Variants in INTS6 observed in about 807,000 individuals in gnomAD.
INTS6 encodes integrator complex subunit 6.
In INTS6, 16 loss-of-function variants were observed where a neutral mutation model predicts 104.9. That is an observed-to-expected ratio of 0.15 (90% CI 0.10 to 0.23). The LOEUF (loss-of-function observed/expected upper bound fraction) is 0.23. Ranked by LOEUF, INTS6 falls within the 10% of genes least tolerant of loss-of-function variation. INTS6 has a pLI of 1.00. For synonymous variants in INTS6, 324 were observed against 358.7 expected, an observed-to-expected ratio of 0.90 and a Z score of 1.09; for missense variants, 584 against 1,062.8, an observed-to-expected ratio of 0.55 and a Z score of 6.26.
intron 4 of INTS6, among the ~76,000 whole-genome samples, chr13:51,406,438 C>A (rs1323258102): frequency 6.7e-6 from 1 of 148,458 alleles, no homozygotes; most frequent in Non-Finnish European, 1.5e-5. Flanking sequence ...ATAACCACCT[C>A]CTCCCTGTTT....
intron 3 of INTS6, among the ~76,000 whole-genome samples, chr13:51,434,056 G>A (rs983194563): frequency 1.3e-5 from 2 of 152,180 alleles, no homozygotes; most frequent in African/African-American, 4.8e-5. Context: ...ATTGGCAGCT[G>A]CTAAATTCTC....
intron 2 of INTS6, 52 bp from the exon 3 acceptor site, chr13:51,451,226 A>G (rs372044722): frequency 8.4e-6 from 12 of 1,422,736 alleles, no homozygotes; most frequent in Non-Finnish European, 1.0e-5. Context: ...AGCCATGTAC[A>G]CAGAGCCGTT....
chr13:51,374,508 T>C (rs1955877891), intron 14 of INTS6, 69 bp from the exon 15 acceptor site: 68 of 1,538,156 alleles, frequency 4.4e-5, no homozygotes, highest in Non-Finnish European at 5.8e-5. Flanking sequence ...CCAGTGTCAA[T>C]TCCAATGAAG....
intron 4 of INTS6, among the ~76,000 whole-genome samples, chr13:51,401,480 A>G (rs1956438627): frequency 1.3e-5 from 2 of 152,150 alleles, no homozygotes; most frequent in African/African-American, 4.8e-5. Context: ...ATGGGATAAG[A>G]GTTTCATAAG....
rs1473157922 is a variant in INTS6 at position 51,368,985 on chromosome 13, A to G, written c.2430T>C (p.Thr810=). 1.7e-5 allele frequency: 28 copies of G among 1,607,042 alleles called. No individual in the cohort carries two copies. The highest frequency in any genetic ancestry group is 2.3e-5 in the Non-Finnish European group (27 of 1,177,274). ...MHCRSHEEVN[T]ELKAQIMKEI... ...CTTTCATTATTTGTGCTTTTAGTTC[A>G]GTATTGACCTCTTCATGGCTTCTGC... The change falls in exon 16 of 18, where the codon ACT becomes ACC. Residue 810 remains threonine, a synonymous_variant. Transcript: ENST00000311234.
chr13:51,348,230 G>A, the INTS6 span: 1 of 1,593,936 alleles, frequency 6.3e-7, no homozygotes, highest in Admixed American at 1.7e-5. Flanking sequence ...CCAGGACACT[G>A]CAGGCCATCA....
chr13:51,397,996 C>A (rs1287192277), intron 4 of INTS6, among the ~76,000 whole-genome samples: 1 of 151,942 alleles, frequency 6.6e-6, no homozygotes, highest in Non-Finnish European at 1.5e-5. Flanking sequence ...GCATTTTACA[C>A]ATAGCTATAT....
the INTS6 span, chr13:51,344,517 A>T: frequency 6.7e-7 from 1 of 1,502,418 alleles, no homozygotes; most frequent in Non-Finnish European, 9.1e-7. Flanking sequence ...CAACAAGGCT[A>T]AGGCAGAGGG....
At chr13:51,405,755 C>T (rs1956550602) in intron 4 of INTS6, among the ~76,000 whole-genome samples, 1 of 152,092 alleles carries the variant, frequency 6.6e-6, no homozygotes, top group African/African-American at 2.4e-5. Flanking sequence ...AGCAAGGTCC[C>T]CCAGAAAACT....
At chr13:51,342,493 C>A in the INTS6 span, among the ~76,000 whole-genome samples, 1 of 152,224 alleles carries the variant, frequency 6.6e-6, no homozygotes, top group Non-Finnish European at 1.5e-5. Context: ...CAACCTCCGG[C>A]ATTTTTTACC....
At chr13:51,411,836 T>C (rs1956693350) in intron 4 of INTS6, among the ~76,000 whole-genome samples, 1 of 152,100 alleles carries the variant, frequency 6.6e-6, no homozygotes, top group Admixed American at 6.5e-5. Context: ...CCAAAAGAAA[T>C]AAAACATAGG....
chr13:51,369,413 T>C, intron 15 of INTS6, 103 bp from the exon 16 acceptor site: 2 of 1,167,850 alleles, frequency 1.7e-6, no homozygotes, highest in Admixed American at 4.7e-5. Context: ...ACTGTTTTCC[T>C]TGACTAATGC....
intron 3 of INTS6, among the ~76,000 whole-genome samples, chr13:51,435,338 T>C (rs980642198): frequency 6.7e-6 from 1 of 148,546 alleles, no homozygotes; most frequent in African/African-American, 2.4e-5. Flanking sequence ...CAGGAGTCAA[T>C]CTGTCATTAA....
At chr13:51,448,762 C>T (rs1952976319) in intron 3 of INTS6, 1 of 152,034 alleles carries the variant, frequency 6.6e-6, no homozygotes, top group Non-Finnish European at 1.5e-5. Flanking sequence ...TTCTATCTTC[C>T]ACCTAATCTT....
intron 4 of INTS6, among the ~76,000 whole-genome samples, chr13:51,403,583 A>AAAAGAAAAAAG (rs1555287275): frequency 2.9e-4 from 31 of 106,442 alleles, no homozygotes; most frequent in African/African-American, 1.1e-3. Context: ...CTCCATTTCA[A>AAAAGAAAAAAG]AAAAAAAAAA....
chr13:51,445,645 A>G (rs905577549), intron 3 of INTS6: 3 of 152,394 alleles, frequency 2.0e-5, no homozygotes, highest in Admixed American at 6.5e-5. Context: ...TCAATGTTAC[A>G]TAATAATTCA....
intron 3 of INTS6, 188 bp downstream of exon 3, chr13:51,450,837 G>A (rs1566257961): frequency 8.3e-7 from 1 of 1,211,868 alleles, no homozygotes; most frequent in African/African-American, 1.6e-5. Flanking sequence ...GCATTTTAGA[G>A]GGGGAAAAAA....
chr13:51,401,893 A>G (rs1956447826), intron 4 of INTS6, among the ~76,000 whole-genome samples: 2 of 152,328 alleles, frequency 1.3e-5, no homozygotes, highest in Admixed American at 1.3e-4. Context: ...TTGAATTAAT[A>G]TTAAAAAAAC....
intron 10 of INTS6, 26 bp from the exon 11 acceptor site, chr13:51,379,598 C>A: frequency 7.7e-7 from 1 of 1,303,182 alleles, no homozygotes; most frequent in South Asian, 1.4e-5. Context: ...AAACATCATT[C>A]AATATTAAGC....
Sources: allele counts gnomAD v4.1 joint callset (sites outside exome capture counted in the v4.1 genomes callset), GRCh38; gene constraint gnomAD v4.1.1; transcripts MANE v1.5; gene names NCBI Gene and HGNC (gene_info 2026-07-23, HGNC 2026-07-21).